The following FSTL5 variants were observed in gnomAD, a reference collection of about 807,000 sequenced individuals.
FSTL5 encodes follistatin-related protein 5.
A neutral mutation model predicts 89.1 loss-of-function variants in FSTL5; 62 were observed. The ratio of observed to expected loss-of-function variants is 0.70; its 90% CI spans 0.57 to 0.86. The LOEUF is 0.86. Among genes scored for constraint, FSTL5 ranks in the 40% least tolerant of loss-of-function variants. The pLI, the probability that FSTL5 is intolerant of heterozygous loss-of-function variation, is 0.00. For missense variants in FSTL5, 1,057 were observed against 1,001.6 expected (o/e 1.06, Z -0.75); for synonymous variants, 383 against 346.2 (o/e 1.11, Z -1.18).
chr4:162,009,933 A>C (rs1736713150), intron 3 of FSTL5, among the ~76,000 whole-genome samples: 1 of 151,834 alleles, frequency 6.6e-6, no homozygotes, highest in Non-Finnish European at 1.5e-5. Flanking sequence ...ATTTGAACTA[A>C]AGTCTCTTGG....
chr4:161,824,830 CT>C (rs1730615054), intron 4 of FSTL5, among the ~76,000 whole-genome samples: 2 of 151,970 alleles, frequency 1.3e-5, no homozygotes, highest in African/African-American at 4.8e-5. Flanking sequence ...GTCCTAGGAG[CT>C]TTTTGCATGA....
At chr4:161,721,456 G>A (rs1038209484) in intron 6 of FSTL5, among the ~76,000 whole-genome samples, 1 of 151,822 alleles carries the variant, frequency 6.6e-6, no homozygotes, top group Non-Finnish European at 1.5e-5. Flanking sequence ...TATGGTGAGG[G>A]TTACACACGT....
intron 3 of FSTL5, among the ~76,000 whole-genome samples, chr4:161,996,459 CCACT>C (rs1177903521): frequency 3.3e-5 from 5 of 152,222 alleles, no homozygotes; most frequent in Admixed American, 1.3e-4. Flanking sequence ...ACCTCCCCCA[CCACT>C]CAAACTTCAT....
chr4:162,115,758 A>G (rs1394460134), intron 1 of FSTL5, among the ~76,000 whole-genome samples: 1 of 152,206 alleles, frequency 6.6e-6, no homozygotes, highest in African/African-American at 2.4e-5. Flanking sequence ...TCTTCAAAAG[A>G]TAATATGTTT....
Position 161,604,805 on chromosome 4 carries a change from T to C in FSTL5, c.895-17230A>G, listed in dbSNP as rs146777506. Among the ~76,000 whole-genome samples the C allele has an allele frequency of 6.1e-3, 928 of 152,320 alleles. 14 individuals carry two copies. Among genetic ancestry groups the C allele is most frequent in the South Asian group, 0.046 (221 of 4,822 alleles). Reference sequence around the variant, plus strand: ...GCCTAGGGACTGCCTAGGTTTCATGTTCTGCTAGAGCCTGAGCATTGAGGA... The same window carrying C: ...GCCTAGGGACTGCCTAGGTTTCATGCTCTGCTAGAGCCTGAGCATTGAGGA... On this transcript the variant is annotated intron_variant, in intron 7 of 15. Coordinates refer to ENST00000306100, the MANE Select transcript of FSTL5 (RefSeq NM_020116.5).
chr4:161,907,285 G>T (rs1243439817), intron 4 of FSTL5, among the ~76,000 whole-genome samples: 1 of 151,992 alleles, frequency 6.6e-6, no homozygotes, highest in Non-Finnish European at 1.5e-5. Context: ...ATTGATATGG[G>T]TCTATCTGCC....
chr4:161,579,484 G>A lies in FSTL5; in HGVS notation c.1015+7971C>T, dbSNP rs528040671. On this transcript the variant is annotated intron_variant, in intron 8 of 15. Coordinates refer to ENST00000306100, the MANE Select transcript of FSTL5 (RefSeq NM_020116.5). ...TGTAATCCCAGCACTTTGGGAAGCCGAGGTGGGCATATCACCTGAGGTCAG... is the reference window on the plus strand; with the variant it reads ...TGTAATCCCAGCACTTTGGGAAGCCAAGGTGGGCATATCACCTGAGGTCAG... Among the ~76,000 whole-genome samples, 121 of 152,140 alleles carry A rather than the reference G, an allele frequency of 8.0e-4. 1 individual carries two copies. Among genetic ancestry groups the A allele is most frequent in the Non-Finnish European group, 1.4e-3 (93 of 67,980 alleles).
rs1391470323 is a variant in FSTL5, at chr4:161,385,256, TTCC to T, written c.*488_*490del. 6.5e-6 allele frequency: 1 copy of T among 154,128 alleles called. No individual in the cohort carries two copies. Among genetic ancestry groups the T allele is most frequent in the Non-Finnish European group, 1.4e-5 (1 of 69,114 alleles). 9.5% of individuals were successfully genotyped at this position (154,128 alleles called of 1,614,324 possible). On this transcript the variant is annotated 3_prime_UTR_variant, in exon 16 of 16. Coordinates refer to ENST00000306100, the MANE Select transcript of FSTL5 (RefSeq NM_020116.5). ...TAGTATGCAGGCTTTAGTCTTCCTTTTCCTCCTGTGACATTCCCTTCAAGGCAC... is the reference window on the plus strand; with the variant it reads ...TAGTATGCAGGCTTTAGTCTTCCTTTTCCTGTGACATTCCCTTCAAGGCAC...
chr4:161,816,745 A>G (rs772418051), intron 4 of FSTL5, among the ~76,000 whole-genome samples: 4 of 152,198 alleles, frequency 2.6e-5, no homozygotes, highest in Non-Finnish European at 5.9e-5. Context: ...ACAGAGAGAG[A>G]TAAAGCCTGG....
chr4:162,153,694 T>TGTATATTATATATGTATATA (rs1318532786), intron 1 of FSTL5, among the ~76,000 whole-genome samples: 3 of 124,742 alleles, frequency 2.4e-5, no homozygotes, highest in South Asian at 2.3e-4. Context: ...TATAATAATA[T>TGTATATTATATATGTATATA]ATATGTATAT....
chr4:161,766,045 C>T (rs754452402), intron 5 of FSTL5, among the ~76,000 whole-genome samples: 41 of 152,164 alleles, frequency 2.7e-4, no homozygotes, highest in Non-Finnish European at 4.6e-4. Flanking sequence ...CACCCACCTC[C>T]GCCTCCCAAA....
At chr4:162,124,975 T>C (rs376171795) in intron 1 of FSTL5, among the ~76,000 whole-genome samples, 19 of 152,350 alleles carry the variant, frequency 1.2e-4, no homozygotes, top group African/African-American at 4.3e-4. Context: ...AGTGCTGGGA[T>C]TACAGGCATG....
intron 4 of FSTL5, among the ~76,000 whole-genome samples, chr4:161,781,161 T>C (rs1404222643): frequency 2.0e-5 from 3 of 152,058 alleles, no homozygotes; most frequent in African/African-American, 7.2e-5. Flanking sequence ...ATAAATATTT[T>C]GTATTTAAAG....
At chr4:161,405,432 A>G (rs986109637) in intron 15 of FSTL5, among the ~76,000 whole-genome samples, 29 of 152,174 alleles carry the variant, frequency 1.9e-4, no homozygotes, top group African/African-American at 5.3e-4. Flanking sequence ...TGAAATATTT[A>G]CTGAAAGGTT....
intron 2 of FSTL5, among the ~76,000 whole-genome samples, chr4:162,109,812 A>AG: frequency 6.6e-6 from 1 of 152,218 alleles, no homozygotes; most frequent in South Asian, 2.1e-4. Flanking sequence ...GTGAAAGAAA[A>AG]GCATAATTCC....
chr4:161,999,561 A>G (rs1175072094), intron 3 of FSTL5, among the ~76,000 whole-genome samples: 1 of 152,208 alleles, frequency 6.6e-6, no homozygotes, highest in East Asian at 1.9e-4. Context: ...TGTCACTAAC[A>G]TATTTGTACT....
At chr4:161,760,936 G>A (rs1440499070) in intron 5 of FSTL5, among the ~76,000 whole-genome samples, 1 of 152,168 alleles carries the variant, frequency 6.6e-6, no homozygotes, top group Non-Finnish European at 1.5e-5. Context: ...TGAAAATGGA[G>A]CTAAGCATCT....
At chr4:161,868,663 T>G (rs1219915987) in intron 4 of FSTL5, among the ~76,000 whole-genome samples, 1 of 152,180 alleles carries the variant, frequency 6.6e-6, no homozygotes, top group African/African-American at 2.4e-5. Context: ...TTGTACCTTC[T>G]GTCACTTCCA....
intron 11 of FSTL5, among the ~76,000 whole-genome samples, chr4:161,504,197 G>A (rs868813854): frequency 6.6e-6 from 1 of 151,894 alleles, no homozygotes; most frequent in Non-Finnish European, 1.5e-5. Context: ...GTTAATGAAT[G>A]CATATTTTAA....
Sources: allele counts gnomAD v4.1 joint callset (sites outside exome capture counted in the v4.1 genomes callset), GRCh38; gene constraint gnomAD v4.1.1; transcripts MANE v1.5; gene names NCBI Gene and HGNC (gene_info 2026-07-23, HGNC 2026-07-21).